MSI2: variants seen among roughly 807,000 people sequenced by gnomAD.
MSI2 encodes musashi RNA binding protein 2, also known as RNA-binding protein Musashi homolog 2.
Under a neutral mutation model 45.6 loss-of-function variants are expected in MSI2, and 17 were observed. The ratio of observed to expected loss-of-function variants is 0.37; its 90% CI spans 0.26 to 0.56. The LOEUF (loss-of-function observed/expected upper bound fraction) is 0.56. Among genes scored for constraint, MSI2 ranks in the 20% least tolerant of loss-of-function variants. MSI2 has a pLI of 0.77. For synonymous variants in MSI2, 156 were observed against 158.2 expected (o/e 0.99, Z 0.11); for missense variants, 293 against 444.2 (o/e 0.66, Z 3.06).
intron 6 of MSI2, among the ~76,000 whole-genome samples, chr17:57,411,554 A>G (rs2084197123): frequency 6.6e-6 from 1 of 152,146 alleles, no homozygotes; most frequent in Non-Finnish European, 1.5e-5. Context: ...GGAGAGCATA[A>G]ATGACTATGT....
chr17:57,429,013 T>C (rs2084545678), intron 6 of MSI2, among the ~76,000 whole-genome samples: 1 of 152,214 alleles, frequency 6.6e-6, no homozygotes, highest in Admixed American at 6.5e-5. Context: ...TCCCCCACGC[T>C]TAAATATAGT....
intron 7 of MSI2, among the ~76,000 whole-genome samples, chr17:57,574,970 G>A (rs1028984045): frequency 5.9e-5 from 9 of 151,830 alleles, no homozygotes; most frequent in African/African-American, 9.7e-5. Flanking sequence ...AGCTGGGACT[G>A]CAGGTGCCCA....
intron 7 of MSI2, among the ~76,000 whole-genome samples, chr17:57,568,842 G>A (rs896889579): frequency 6.6e-6 from 1 of 152,208 alleles, no homozygotes; most frequent in African/African-American, 2.4e-5. Flanking sequence ...CCTCCAGGGG[G>A]CTGGAGCACT....
At chr17:57,330,257 C>A (rs1337451343) in intron 5 of MSI2, among the ~76,000 whole-genome samples, 3 of 151,592 alleles carry the variant, frequency 2.0e-5, no homozygotes, top group African/African-American at 7.3e-5. Context: ...CCAGTTTTTA[C>A]CTCCAAAAGC....
intron 5 of MSI2, among the ~76,000 whole-genome samples, chr17:57,275,599 G>C (rs1353995923): frequency 6.6e-6 from 1 of 152,176 alleles, no homozygotes; most frequent in Non-Finnish European, 1.5e-5. Flanking sequence ...GGCATCCCCT[G>C]TATGTGGGTC....
At chr17:57,281,386 A>T (rs1909405691) in intron 5 of MSI2, among the ~76,000 whole-genome samples, 2 of 152,186 alleles carry the variant, frequency 1.3e-5, no homozygotes, top group African/African-American at 4.8e-5. Flanking sequence ...GTGGATTGAT[A>T]ATCATACTTC....
At chr17:57,646,830 C>T (rs984466415) in intron 10 of MSI2, among the ~76,000 whole-genome samples, 2 of 130,298 alleles carry the variant, frequency 1.5e-5, no homozygotes, top group African/African-American at 6.3e-5. Flanking sequence ...GCCAGACATC[C>T]TCGTTTTGAA....
intron 5 of MSI2, among the ~76,000 whole-genome samples, chr17:57,305,132 A>G (rs1312770519): frequency 6.6e-6 from 1 of 152,186 alleles, no homozygotes; most frequent in Non-Finnish European, 1.5e-5. Flanking sequence ...AGGTGGCCCC[A>G]GCCTTTAGGA....
chr17:57,684,423 T>A lies in MSI2; in HGVS notation c.*4906T>A, dbSNP rs932354127. Reference sequence around the variant, plus strand: ...AGAACTTTGGTAGTGAGTATTTTTTTTATATATATACATATATATGTACTA... The same window carrying A: ...AGAACTTTGGTAGTGAGTATTTTTTATATATATATACATATATATGTACTA... On this transcript the variant is annotated 3_prime_UTR_variant, in exon 14 of 14. Transcript: ENST00000284073. 2.2e-4 allele frequency: 30 copies of A among 136,686 alleles called. No individual in the cohort carries two copies. The highest frequency in any genetic ancestry group is 1.0e-3 in the African/African-American group (23 of 22,280). The allele number at this position is 136,686 out of a possible 1,614,324, so 8.5% of individuals were successfully genotyped here. A position where few individuals can be genotyped will look rare whatever the true frequency, so the allele number is the denominator to read the frequency against.
At chr17:57,674,725 A>G (rs985810233) in intron 11 of MSI2, among the ~76,000 whole-genome samples, 1 of 151,974 alleles carries the variant, frequency 6.6e-6, no homozygotes, top group Non-Finnish European at 1.5e-5. Context: ...TTTATTCTCT[A>G]TATTTTTGGA....
At chr17:57,385,628 G>A (rs2083672414) in intron 5 of MSI2, among the ~76,000 whole-genome samples, 1 of 152,060 alleles carries the variant, frequency 6.6e-6, no homozygotes, top group Non-Finnish European at 1.5e-5. Flanking sequence ...CCCACCCTGG[G>A]CAACAAGAGC....
intron 6 of MSI2, among the ~76,000 whole-genome samples, chr17:57,403,193 T>G (rs1446454344): frequency 2.6e-5 from 4 of 152,194 alleles, no homozygotes; most frequent in Non-Finnish European, 4.4e-5. Context: ...CCAGATGGGC[T>G]TTTAGAGTAT....
intron 5 of MSI2, among the ~76,000 whole-genome samples, chr17:57,366,820 G>A (rs150276794): frequency 3.3e-5 from 5 of 152,196 alleles, no homozygotes; most frequent in East Asian, 3.9e-4. Context: ...CGTAATTTAC[G>A]GAGGCGAGGA....
At chr17:57,464,149 T>C (rs1282324201) in intron 6 of MSI2, among the ~76,000 whole-genome samples, 1 of 151,232 alleles carries the variant, frequency 6.6e-6, no homozygotes, top group African/African-American at 2.4e-5. Flanking sequence ...GACCTGGAGG[T>C]AGAAAAAGAG....
chr17:57,606,382 AG>A (rs1212545657), intron 8 of MSI2: 1 of 152,270 alleles, frequency 6.6e-6, no homozygotes, highest in African/African-American at 2.4e-5. Context: ...GAGAAAATTG[AG>A]GTGCAAAGAA....
intron 5 of MSI2, among the ~76,000 whole-genome samples, chr17:57,371,068 T>G (rs1402931201): frequency 6.6e-6 from 1 of 152,198 alleles, no homozygotes; most frequent in African/African-American, 2.4e-5. Context: ...GTGTTGCTGT[T>G]TTCTTGTTAA....
chr17:57,698,334 A>G, the MSI2 span, among the ~76,000 whole-genome samples: 2 of 152,120 alleles, frequency 1.3e-5, no homozygotes, highest in African/African-American at 4.8e-5. Context: ...TCCCTTGCCC[A>G]CTTTCTGTGC....
At chr17:57,464,242 G>A (rs2085289176) in intron 6 of MSI2, among the ~76,000 whole-genome samples, 1 of 151,838 alleles carries the variant, frequency 6.6e-6, no homozygotes, top group African/African-American at 2.4e-5. Flanking sequence ...CAGGAGTTTG[G>A]GGCCAGCCTG....
intron 7 of MSI2, among the ~76,000 whole-genome samples, chr17:57,593,416 A>G (rs1905015379): frequency 6.6e-6 from 1 of 152,112 alleles, no homozygotes; most frequent in South Asian, 2.1e-4. Context: ...CTGGAAAACC[A>G]GCTTCTTAAG....
Sources: gnomAD v4.1 joint callset for allele counts (sites outside exome capture counted in the v4.1 genomes callset) on GRCh38, gnomAD v4.1.1 for gene constraint, MANE v1.5 for transcripts, NCBI Gene and HGNC (gene_info 2026-07-23, HGNC 2026-07-21) for gene names.